The following FRY variants were observed in gnomAD, a reference collection of about 807,000 sequenced individuals.
The protein encoded by FRY is protein furry homolog.
A neutral mutation model predicts 348.4 loss-of-function variants in FRY; 128 were observed. The ratio of observed to expected loss-of-function variants is 0.37; its 90% CI spans 0.32 to 0.43. The LOEUF is 0.43. Ranked by LOEUF, FRY falls within the 20% of genes least tolerant of loss-of-function variation. FRY has a pLI of 1.00. For missense variants in FRY, 2,736 were observed against 3,695.2 expected, an observed-to-expected ratio of 0.74 and a Z score of 6.73; for synonymous variants, 1,370 against 1,374.7, an observed-to-expected ratio of 1.00 and a Z score of 0.08.
At chr13:32,089,744 G>C (rs1197542329) in intron 2 of FRY, among the ~76,000 whole-genome samples, 1 of 151,920 alleles carries the variant, frequency 6.6e-6, no homozygotes, top group African/African-American at 2.4e-5. Flanking sequence ...CTAAGTGACA[G>C]AGTGAGACCT....
At chr13:32,039,500 C>G (rs913270096) in intron 1 of FRY, among the ~76,000 whole-genome samples, 2 of 152,054 alleles carry the variant, frequency 1.3e-5, no homozygotes, top group African/African-American at 2.4e-5. Flanking sequence ...ACCTCCCCCC[C>G]CATACGTGTG....
intron 14 of FRY, among the ~76,000 whole-genome samples, chr13:32,154,702 A>G (rs1025617454): frequency 6.6e-6 from 1 of 152,242 alleles, no homozygotes; most frequent in Admixed American, 6.5e-5. Context: ...ATTTTCTTCC[A>G]TAGGTAGTAG....
At chr13:32,046,182 A>C (rs1242091299) in intron 1 of FRY, among the ~76,000 whole-genome samples, 1 of 152,204 alleles carries the variant, frequency 6.6e-6, no homozygotes, top group African/African-American at 2.4e-5. Flanking sequence ...GCTCTGGGAA[A>C]AGGATAGAGA....
chr13:32,092,574 AG>A (rs1308375576), intron 2 of FRY, among the ~76,000 whole-genome samples: 1 of 152,200 alleles, frequency 6.6e-6, no homozygotes, highest in Non-Finnish European at 1.5e-5. Flanking sequence ...GGAACTCCTC[AG>A]GGTGTGAGAA....
intron 36 of FRY, 114 bp from the exon 37 acceptor site, chr13:32,224,121 A>T: frequency 9.5e-7 from 1 of 1,053,872 alleles, no homozygotes; most frequent in Non-Finnish European, 1.5e-6. Flanking sequence ...AAAATGAAAA[A>T]TAAAGTTATT....
At chr13:32,209,961 C>T (rs368221616) in intron 33 of FRY, among the ~76,000 whole-genome samples, 4 of 152,112 alleles carry the variant, frequency 2.6e-5, no homozygotes, top group Non-Finnish European at 4.4e-5. Context: ...AGCCTTGGGA[C>T]GCAGAAACCT....
intron 11 of FRY, among the ~76,000 whole-genome samples, chr13:32,142,632 A>ATATT (rs1455807530): frequency 6.6e-6 from 1 of 152,210 alleles, no homozygotes; most frequent in Non-Finnish European, 1.5e-5. Context: ...CAAGTGCAAG[A>ATATT]TATTTATTAC....
chr13:32,132,379 A>G (rs1593649829), intron 8 of FRY, among the ~76,000 whole-genome samples: 1 of 151,952 alleles, frequency 6.6e-6, no homozygotes, highest in East Asian at 1.9e-4. Flanking sequence ...AAACTTTGGT[A>G]TTTGAAGGAA....
chr13:32,285,387 G>A (rs1206437010), intron 58 of FRY, among the ~76,000 whole-genome samples: 2 of 152,164 alleles, frequency 1.3e-5, no homozygotes, highest in Non-Finnish European at 2.9e-5. Flanking sequence ...TATCAAGGAA[G>A]CCTGAACTAG....
At chr13:32,053,035 C>T (rs1048963378) in intron 1 of FRY, among the ~76,000 whole-genome samples, 2 of 152,006 alleles carry the variant, frequency 1.3e-5, no homozygotes, top group African/African-American at 4.8e-5. Context: ...ATCGCTTGAA[C>T]CCGGGAGGCG....
chr13:32,187,281 T>C (rs1025688152), intron 27 of FRY, among the ~76,000 whole-genome samples: 1 of 152,178 alleles, frequency 6.6e-6, no homozygotes, highest in African/African-American at 2.4e-5. Context: ...CTTACTCTGA[T>C]CATAAAGAGT....
In FRY at chr13:32,185,153, G is replaced by A. The variant is rs1289514266; in HGVS notation, c.3319+5G>A. On this transcript the variant is annotated splice_donor_5th_base_variant and intron_variant, in intron 26 of 60. Transcript: ENST00000542859. ...ACTTGATTCAGTGTGTTCCAGGTACGGTGATCCGTTACAAGAAATTACCAT... is the reference window on the plus strand; with the variant it reads ...ACTTGATTCAGTGTGTTCCAGGTACAGTGATCCGTTACAAGAAATTACCAT... 4.3e-6 allele frequency: 7 copies of A among 1,612,600 alleles called. No homozygotes were observed. The highest frequency in any genetic ancestry group is 2.7e-5 in the African/African-American group (2 of 75,008).
At chr13:32,173,954 A>G (rs566356058) in intron 19 of FRY, among the ~76,000 whole-genome samples, 10 of 152,244 alleles carry the variant, frequency 6.6e-5, no homozygotes, top group Non-Finnish European at 1.5e-4. Flanking sequence ...GCAAATTGAA[A>G]GATGTTTAAT....
At position 32,081,195 on chromosome 13, in the gene FRY, T is replaced by A. The variant is rs375807837; in HGVS notation, c.270+2162T>A. On this transcript the variant is annotated intron_variant, in intron 2 of 60. Transcript: ENST00000542859. Reference sequence around the variant, plus strand: ...TGTCCCCAAACAAGAAAAAAATTTTTAAGTGTAAGTTCTTGTCATAAGGAA... The same window carrying A: ...TGTCCCCAAACAAGAAAAAAATTTTAAAGTGTAAGTTCTTGTCATAAGGAA... Among the ~76,000 whole-genome samples, 18 of 152,322 alleles carry A rather than the reference T, an allele frequency of 1.2e-4. 1 individual carries two copies. The highest frequency in any genetic ancestry group is 4.3e-4 in the African/African-American group (18 of 41,572).
At chr13:32,180,555 C>T (rs1170805433) in intron 23 of FRY, among the ~76,000 whole-genome samples, 1 of 151,964 alleles carries the variant, frequency 6.6e-6, no homozygotes, top group African/African-American at 2.4e-5. Flanking sequence ...TTCTATAGGG[C>T]ACTTTCTTTG....
At chr13:32,224,886 TCC>T (rs1395993955) in intron 37 of FRY, 45 bp from the exon 38 acceptor site, 1 of 1,083,564 alleles carries the variant, frequency 9.2e-7, no homozygotes, top group African/African-American at 1.5e-5. Flanking sequence ...TACTAGTATT[TCC>T]ATCCCCTTCA....
intron 20 of FRY, 152 bp downstream of exon 20, chr13:32,175,784 G>C (rs1882324231): frequency 3.1e-6 from 2 of 644,774 alleles, no homozygotes; most frequent in Non-Finnish European, 2.8e-6. Flanking sequence ...TAGTTTTTCA[G>C]ATGTTAATTT....
intron 4 of FRY, among the ~76,000 whole-genome samples, chr13:32,121,399 G>A (rs1878641755): frequency 6.6e-6 from 1 of 150,682 alleles, no homozygotes; most frequent in Non-Finnish European, 1.5e-5. Context: ...CATTGCAGAA[G>A]TGTTCCCTGT....
chr13:32,228,742 A>G (rs1159898615), intron 40 of FRY, 88 bp downstream of exon 40: 1 of 1,103,368 alleles, frequency 9.1e-7, no homozygotes, highest in Non-Finnish European at 1.4e-6. Flanking sequence ...TGGAAAAGTG[A>G]TCCTGGGGTT....
Sources: allele counts gnomAD v4.1 joint callset (sites outside exome capture counted in the v4.1 genomes callset), GRCh38; gene constraint gnomAD v4.1.1; transcripts MANE v1.5; gene names NCBI Gene and HGNC (gene_info 2026-07-23, HGNC 2026-07-21).